The following CFAP58 variants were observed in gnomAD, a reference collection of about 807,000 sequenced individuals.
The protein encoded by CFAP58 is cilia and flagella associated protein 58, also known as cilia- and flagella-associated protein 58.
CFAP58 carries 88 observed loss-of-function variants against 119.5 expected under a neutral mutation model. The ratio of observed to expected loss-of-function variants is 0.74; its 90% CI spans 0.62 to 0.88. The LOEUF (loss-of-function observed/expected upper bound fraction) is 0.88. Among genes scored for constraint, CFAP58 ranks in the 40% least tolerant of loss-of-function variants. The probability of loss-of-function intolerance (pLI) is 0.00; values close to 1 mark genes in which losing one functional copy is unlikely to be tolerated. For missense variants in CFAP58, 990 were observed against 1,021.2 expected, an observed-to-expected ratio of 0.97 and a Z score of 0.42; for synonymous variants, 365 against 366.3, an observed-to-expected ratio of 1.00 and a Z score of 0.04.
chr10:104,450,015 T>G (rs996768025), intron 16 of CFAP58, 56 bp from the exon 17 acceptor site: 22 of 1,539,036 alleles, frequency 1.4e-5, no homozygotes, highest in African/African-American at 2.8e-5. Flanking sequence ...GATTAAAAGA[T>G]TTCTCAGAAA....
rs1039902228 is a variant in CFAP58, at chr10:104,375,202, T to C, written c.1091-1609T>C. On this transcript the variant is annotated intron_variant, in intron 7 of 17. Transcript: ENST00000369704. ...GTACTATATACTTAGTGTACTATGA[T>C]TCCCTTTTGGGGTGTATGTGTATTT... Among the ~76,000 whole-genome samples the C allele has an allele frequency of 2.0e-5, 3 of 150,720 alleles. No homozygotes were observed. The South Asian group carries it at 6.2e-4, about 31-fold the overall frequency.
intron 15 of CFAP58, among the ~76,000 whole-genome samples, chr10:104,418,864 CCT>C (rs1325262712): frequency 6.6e-6 from 1 of 152,154 alleles, no homozygotes; most frequent in Non-Finnish European, 1.5e-5. Context: ...GAAGATGCTC[CCT>C]CACTAGACGA....
At chr10:104,411,720 G>A (rs973437240) in intron 15 of CFAP58, among the ~76,000 whole-genome samples, 2 of 151,288 alleles carry the variant, frequency 1.3e-5, no homozygotes, top group Non-Finnish European at 2.9e-5. Flanking sequence ...TCAAACTCTT[G>A]TGACAGAAGA....
intron 3 of CFAP58, 71 bp downstream of exon 3, chr10:104,362,242 G>C: frequency 7.5e-7 from 1 of 1,334,956 alleles, no homozygotes; most frequent in East Asian, 2.5e-5. Context: ...ACAGCCTGGG[G>C]CTTGCCAGTG....
chr10:104,339,034 G>A, the CFAP58 span, among the ~76,000 whole-genome samples: 6 of 151,282 alleles, frequency 4.0e-5, no homozygotes, highest in Non-Finnish European at 8.8e-5. Context: ...TCAGCCTCCC[G>A]AGTAGCTGGG....
the CFAP58 span, among the ~76,000 whole-genome samples, chr10:104,339,919 G>A: frequency 6.6e-6 from 1 of 152,202 alleles, no homozygotes; most frequent in Admixed American, 6.5e-5. Context: ...TTTCTGTGAA[G>A]TAAGAGCGCT....
At chr10:104,444,847 T>C (rs145827402) in intron 15 of CFAP58, among the ~76,000 whole-genome samples, 1 of 152,342 alleles carries the variant, frequency 6.6e-6, no homozygotes, top group East Asian at 1.9e-4. Context: ...CTACCCACCA[T>C]GAACACACAG....
intron 7 of CFAP58, 114 bp from the exon 8 acceptor site, chr10:104,376,697 T>C (rs2011673322): frequency 1.4e-6 from 1 of 705,420 alleles, no homozygotes; most frequent in Non-Finnish European, 2.4e-6. Flanking sequence ...TGGTTAATAG[T>C]AGTTTTATAG....
At position 104,354,021 on chromosome 10, in the gene CFAP58, T is replaced by C. The variant is rs80148976; in HGVS notation, c.9+115T>C. 2.8e-3 allele frequency: 3,631 copies of C among 1,304,666 alleles called. 82 individuals are homozygous for C. In the African/African-American group the frequency reaches 0.046, roughly 16 times the overall value. 80.8% of individuals were successfully genotyped at this position (1,304,666 alleles called of 1,614,324 possible). ...ATATTTCCCCCCATCAACATCTTAT[T>C]CCCCTGCACCCTCACTCACTCCCGC... On this transcript the variant is annotated intron_variant, in intron 1 of 17. Transcript: ENST00000369704.
chr10:104,427,017 A>T lies in CFAP58; in HGVS notation c.2256+20224A>T, dbSNP rs544906070. Among the ~76,000 whole-genome samples, 27 of 152,346 alleles carry T rather than the reference A, an allele frequency of 1.8e-4. No individual in the cohort carries two copies. The South Asian group carries it at 2.1e-3, about 12-fold the overall frequency. The stretch of plus-strand genomic sequence containing the variant: ...ACTTGAGAGGTTAACAGCAGAGTGA[A>T]TGGCCAAGAAGCCACTGCAGAGGAA... On this transcript the variant is annotated intron_variant, in intron 15 of 17. Coordinates refer to ENST00000369704, the MANE Select transcript of CFAP58 (RefSeq NM_001008723.2).
intron 15 of CFAP58, among the ~76,000 whole-genome samples, chr10:104,442,668 T>A (rs2013058038): frequency 1.3e-5 from 2 of 152,186 alleles, no homozygotes; most frequent in South Asian, 4.1e-4. Flanking sequence ...AGTAGTCTTT[T>A]CAGAGCCAAT....
At position 104,447,718 on chromosome 10, in the gene CFAP58, G is replaced by C. The variant is rs543279438; in HGVS notation, c.2277G>C (p.Met759Ile). Residue 759 changes from methionine to isoleucine, a missense_variant, in exon 16 of 18, where the codon ATG becomes ATC. By Grantham distance (10) the Met-to-Ile change is conservative. Coordinates refer to ENST00000369704, the MANE Select transcript of CFAP58 (RefSeq NM_001008723.2). ...ACTAGGAAAAGGAGAAACTCTACAT[G>C]GAACTAAAGCACGTCTTGGCCCGCC... Reference protein sequence around the residue: ...LLLQEKEKLYMELKHVLARQP... With the variant: ...LLLQEKEKLYIELKHVLARQP... 1 of 1,614,106 alleles carries C rather than the reference G, an allele frequency of 6.2e-7. No individual in the cohort carries two copies. Among genetic ancestry groups the C allele is most frequent in the African/African-American group, 1.3e-5 (1 of 75,054 alleles).
intron 15 of CFAP58, among the ~76,000 whole-genome samples, chr10:104,408,593 A>G (rs1266759669): frequency 6.6e-6 from 1 of 152,164 alleles, no homozygotes; most frequent in Non-Finnish European, 1.5e-5. Flanking sequence ...CCACTTTGTT[A>G]GTTTTAAAAA....
chr10:104,400,561 C>T (rs1444946169), intron 12 of CFAP58, 119 bp from the exon 13 acceptor site: 5 of 794,842 alleles, frequency 6.3e-6, no homozygotes, highest in Admixed American at 2.0e-5. Flanking sequence ...GTGCCCAGCC[C>T]ATGTGGTGCC....
At chr10:104,392,639 CTTTTTTTT>C (rs35863751) in intron 10 of CFAP58, among the ~76,000 whole-genome samples, 3 of 123,966 alleles carry the variant, frequency 2.4e-5, no homozygotes, top group Non-Finnish European at 5.1e-5. Context: ...CGTCTTTCTA[CTTTTTTTT>C]TTTTTTTTTT....
chr10:104,409,100 AT>A (rs1210668408), intron 15 of CFAP58, among the ~76,000 whole-genome samples: 2 of 1,114 alleles, frequency 1.8e-3, no homozygotes, highest in Middle Eastern at 0.5. Flanking sequence ...ACCCCGTCTC[AT>A]AAAAAAAAAA....
intron 1 of CFAP58, among the ~76,000 whole-genome samples, chr10:104,356,258 A>C (rs2135240125): frequency 6.6e-6 from 1 of 152,352 alleles, no homozygotes; most frequent in East Asian, 1.9e-4. Context: ...TGTCATCGTT[A>C]GAGATTTAAT....
chr10:104,429,355 A>G (rs925214295), intron 15 of CFAP58, among the ~76,000 whole-genome samples: 2 of 152,192 alleles, frequency 1.3e-5, no homozygotes, highest in Non-Finnish European at 2.9e-5. Context: ...GCCTGCATTC[A>G]GACAGGGAGA....
intron 9 of CFAP58, among the ~76,000 whole-genome samples, chr10:104,380,599 CAG>C (rs967345180): frequency 3.9e-5 from 6 of 152,124 alleles, no homozygotes; most frequent in African/African-American, 1.4e-4. Context: ...TTTGTCCCCT[CAG>C]GGAAAGGACT....
Sources: gnomAD v4.1 joint callset for allele counts (sites outside exome capture counted in the v4.1 genomes callset) on GRCh38, gnomAD v4.1.1 for gene constraint, MANE v1.5 for transcripts, NCBI Gene and HGNC (gene_info 2026-07-23, HGNC 2026-07-21) for gene names.